Variants in JAZF1 observed in about 807,000 individuals in gnomAD.
JAZF1 encodes the protein juxtaposed with another zinc finger protein 1.
In JAZF1, 8 loss-of-function variants were observed where a neutral mutation model predicts 26.4. The observed-to-expected ratio is 0.30, with a 90% CI of 0.18 to 0.55. The LOEUF (loss-of-function observed/expected upper bound fraction) is 0.55. Ranked by LOEUF, JAZF1 falls within the 20% of genes least tolerant of loss-of-function variation. JAZF1 has a pLI of 0.94. For synonymous variants in JAZF1, 126 were observed against 122.3 expected (o/e 1.03, Z -0.20); for missense variants, 199 against 322.0 (o/e 0.62, Z 2.92).
In JAZF1 at chr7:27,832,690, T is replaced by A; in HGVS notation, c.*110A>T. On this transcript the variant is annotated 3_prime_UTR_variant, in exon 5 of 5. Coordinates refer to ENST00000283928, the MANE Select transcript of JAZF1 (RefSeq NM_175061.4). The stretch of plus-strand genomic sequence containing the variant: ...ACAGAAAAAATTTAAAGCATGCATT[T>A]AATTCTTTTTCTTTAAAGGGTTGCT... 1.1e-6 allele frequency: 1 copy of A among 871,726 alleles called. No individual in the cohort carries two copies. The highest frequency in any genetic ancestry group is 1.7e-6 in the Non-Finnish European group (1 of 584,754). 54.0% of individuals were successfully genotyped at this position (871,726 alleles called of 1,614,324 possible).
At chr7:28,064,342 G>T (rs2391495) in intron 1 of JAZF1, among the ~76,000 whole-genome samples, 8,392 of 152,046 alleles carry the variant, frequency 0.055, 408 homozygotes, top group African/African-American at 0.13. Context: ...TGTAAAAATC[G>T]TATATAAGCA....
At chr7:27,895,544 A>G (rs2128342089) in intron 2 of JAZF1, 128 bp from the exon 3 acceptor site, 1 of 508,088 alleles carries the variant, frequency 2.0e-6, no homozygotes, top group South Asian at 4.1e-5. Context: ...TCCCAATCTC[A>G]AAAACTCACA....
At chr7:28,157,187 C>A (rs1416788838) in intron 1 of JAZF1, among the ~76,000 whole-genome samples, 2 of 152,216 alleles carry the variant, frequency 1.3e-5, no homozygotes, top group Non-Finnish European at 2.9e-5. Flanking sequence ...ATCTCCTCAG[C>A]ACCCCCACAG....
At chr7:28,062,229 C>T (rs960107003) in intron 1 of JAZF1, among the ~76,000 whole-genome samples, 4 of 152,104 alleles carry the variant, frequency 2.6e-5, no homozygotes, top group African/African-American at 9.7e-5. Context: ...GGACTGGACT[C>T]GAAGCATTTC....
At chr7:28,055,437 G>T (rs969134917) in intron 1 of JAZF1, among the ~76,000 whole-genome samples, 3 of 152,026 alleles carry the variant, frequency 2.0e-5, no homozygotes. Flanking sequence ...GTCCTATGAA[G>T]ATCTCCCAGC....
Position 28,140,930 on chromosome 7 carries a change from A to G in JAZF1, c.115+39533T>C, listed in dbSNP as rs564984862. Reference sequence around the variant, plus strand: ...TAAGTGATGCTCAAATATAATTTGAACTGTTATAATGTTTTGAATGGTTGT... The same window carrying G: ...TAAGTGATGCTCAAATATAATTTGAGCTGTTATAATGTTTTGAATGGTTGT... On this transcript the variant is annotated intron_variant, in intron 1 of 4. Transcript: ENST00000283928. Among the ~76,000 whole-genome samples, 20 of 152,362 alleles carry G rather than the reference A, an allele frequency of 1.3e-4. No homozygotes were observed. The South Asian group carries it at 3.3e-3, about 25-fold the overall frequency.
intron 1 of JAZF1, among the ~76,000 whole-genome samples, chr7:28,091,814 CTCT>C (rs1358514142): frequency 4.6e-5 from 7 of 151,710 alleles, no homozygotes; most frequent in African/African-American, 1.7e-4. Context: ...GGAAAATATT[CTCT>C]TGTTTTAAAT....
intron 2 of JAZF1, among the ~76,000 whole-genome samples, chr7:27,957,986 C>A (rs889777719): frequency 9.2e-5 from 14 of 152,218 alleles, no homozygotes; most frequent in Non-Finnish European, 1.5e-5. Context: ...TAGGTCATCA[C>A]ATAGAAACCT....
At chr7:28,107,762 T>C (rs777167144) in intron 1 of JAZF1, among the ~76,000 whole-genome samples, 2 of 152,230 alleles carry the variant, frequency 1.3e-5, no homozygotes, top group Non-Finnish European at 2.9e-5. Flanking sequence ...ATTTCCGTTG[T>C]TAGACACACA....
At chr7:28,005,440 G>GA (rs1782684674) in intron 1 of JAZF1, among the ~76,000 whole-genome samples, 2 of 151,508 alleles carry the variant, frequency 1.3e-5, no homozygotes, top group South Asian at 2.1e-4. Context: ...AGTCACAGGA[G>GA]AAAGAGCTGA....
At chr7:28,029,999 A>T (rs1446844336) in intron 1 of JAZF1, among the ~76,000 whole-genome samples, 1 of 152,230 alleles carries the variant, frequency 6.6e-6, no homozygotes, top group Admixed American at 6.5e-5. Flanking sequence ...AAGAGTTAAT[A>T]ATACAACTTG....
intron 1 of JAZF1, among the ~76,000 whole-genome samples, chr7:28,066,136 C>T (rs935928991): frequency 6.6e-6 from 1 of 152,142 alleles, no homozygotes; most frequent in African/African-American, 2.4e-5. Context: ...AAGCTCATTA[C>T]AGAAGTGTTA....
At chr7:28,014,902 C>T (rs908891259) in intron 1 of JAZF1, among the ~76,000 whole-genome samples, 1 of 152,186 alleles carries the variant, frequency 6.6e-6, no homozygotes, top group Non-Finnish European at 1.5e-5. Context: ...CTCACCCACT[C>T]AACAAGGATC....
At position 27,942,434 on chromosome 7, in the gene JAZF1, G is replaced by A. The variant is rs185779731; in HGVS notation, c.189-47018C>T. ...AGTCAAACATTTTGCAACCTGCCTT[G>A]GTAATAGCAAATGGAGTAGCATTTA... is the stretch of plus-strand genomic sequence containing the variant. On this transcript the variant is annotated intron_variant, in intron 2 of 4. Coordinates refer to ENST00000283928, the MANE Select transcript of JAZF1 (RefSeq NM_175061.4). 5.3e-5 allele frequency among the ~76,000 whole-genome samples: 8 copies of A among 152,292 alleles called. No homozygotes were observed. The East Asian group carries it at 1.5e-3, about 29-fold the overall frequency.
chr7:28,157,975 T>A (rs574368026), intron 1 of JAZF1, among the ~76,000 whole-genome samples: 1 of 151,968 alleles, frequency 6.6e-6, no homozygotes, highest in Non-Finnish European at 1.5e-5. Context: ...TAAACACTCA[T>A]GTTGGTTCCT....
intron 1 of JAZF1, among the ~76,000 whole-genome samples, chr7:28,088,358 G>A (rs1784241195): frequency 6.6e-6 from 1 of 152,166 alleles, no homozygotes; most frequent in Non-Finnish European, 1.5e-5. Flanking sequence ...CTTTCTTACT[G>A]GCTCCCTGTG....
At chr7:27,854,477 A>G (rs1783208274) in intron 3 of JAZF1, among the ~76,000 whole-genome samples, 1 of 152,128 alleles carries the variant, frequency 6.6e-6, no homozygotes, top group African/African-American at 2.4e-5. Context: ...TGGTCTTTAC[A>G]ATTTGGTATT....
chr7:28,147,746 T>C (rs900417645), intron 1 of JAZF1, among the ~76,000 whole-genome samples: 1 of 148,854 alleles, frequency 6.7e-6, no homozygotes, highest in Non-Finnish European at 1.5e-5. Flanking sequence ...GCCAGGTGTG[T>C]TGACACATAC....
At chr7:28,103,513 G>A (rs879333790) in intron 1 of JAZF1, among the ~76,000 whole-genome samples, 4 of 151,986 alleles carry the variant, frequency 2.6e-5, no homozygotes, top group East Asian at 1.9e-4. Context: ...AACAGGCATC[G>A]CAAACTTAAC....
Sources: gnomAD v4.1 joint callset for allele counts (sites outside exome capture counted in the v4.1 genomes callset) on GRCh38, gnomAD v4.1.1 for gene constraint, MANE v1.5 for transcripts, NCBI Gene and HGNC (gene_info 2026-07-23, HGNC 2026-07-21) for gene names.